LHX6: variants seen among roughly 807,000 people sequenced by gnomAD.
LHX6 encodes LIM/homeobox protein Lhx6.
Under a neutral mutation model 47.1 loss-of-function variants are expected in LHX6, and 15 were observed. The ratio of observed to expected loss-of-function variants is 0.32; its 90% confidence interval spans 0.21 to 0.49. The LOEUF (loss-of-function observed/expected upper bound fraction) is 0.49. Ranked by LOEUF, LHX6 falls within the 20% of genes least tolerant of loss-of-function variation. The pLI is 0.99. For missense variants in LHX6, 404 were observed against 539.6 expected (o/e 0.75, Z 2.49); for synonymous variants, 242 against 233.5 (o/e 1.04, Z -0.33).
At chr9:122,228,425 T>C in intron 1 of LHX6, 57 of 1,468,714 alleles carry the variant, frequency 3.9e-5, no homozygotes, top group Non-Finnish European at 4.8e-5. Context: ...CCTGTGTCTT[T>C]ACTAAATCGC....
At chr9:122,215,666 T>C (rs1382201403) in intron 5 of LHX6, among the ~76,000 whole-genome samples, 1 of 152,186 alleles carries the variant, frequency 6.6e-6, no homozygotes, top group Non-Finnish European at 1.5e-5. Context: ...TGCAGATAAT[T>C]TCATTGCCCA....
chr9:122,223,777 A>G (rs1166445529), intron 4 of LHX6, among the ~76,000 whole-genome samples: 7 of 152,226 alleles, frequency 4.6e-5, no homozygotes, highest in Admixed American at 4.6e-4. Flanking sequence ...AGTAAAGCAC[A>G]GTATCCAAGG....
At position 122,217,138 on chromosome 9, in the gene LHX6, G is replaced by A. The variant is rs1274541486; in HGVS notation, c.612C>T (p.Val204=). Reference sequence around the variant, plus strand: ...GGATGCGGCAGAGCACCTTCTCCTCGACCAGGCCGAACTCCTCACCAGTGG... The same window carrying A: ...GGATGCGGCAGAGCACCTTCTCCTCAACCAGGCCGAACTCCTCACCAGTGG... ...QLSTGEEFGL[V]EEKVLCRIHY... is the part of the protein sequence containing the mutation. The change falls in exon 5 of 10, where the codon GTC becomes GTT. Residue 204 remains valine, a synonymous_variant. Coordinates refer to ENST00000394319, the MANE Select transcript of LHX6 (RefSeq NM_014368.5). This position sits in a 1 kb window ranked among gnomAD's most constrained non-coding sequence, Gnocchi z 4.9. The A allele has an allele frequency of 1.2e-6, 2 of 1,614,208 alleles. No homozygotes were observed. Among genetic ancestry groups the A allele is most frequent in the African/African-American group, 1.3e-5 (1 of 75,066 alleles).
rs80058247 is a variant in LHX6 at position 122,215,045 on chromosome 9, T to C, written c.683-662A>G. On this transcript the variant is annotated intron_variant, in intron 5 of 9. Coordinates refer to ENST00000394319, the MANE Select transcript of LHX6 (RefSeq NM_014368.5). Reference sequence around the variant, plus strand: ...TCCACTCATATTACTTTTACAGTCATACTAAAACACTAACCATATTCCCAT... The same window carrying C: ...TCCACTCATATTACTTTTACAGTCACACTAAAACACTAACCATATTCCCAT... 2.1e-3 allele frequency among the ~76,000 whole-genome samples: 326 copies of C among 152,376 alleles called. 2 individuals carry two copies. The highest frequency in any genetic ancestry group is 7.5e-3 in the African/African-American group (310 of 41,590).
rs1325772412 is a variant in LHX6, at chr9:122,204,013, C to T, written c.*747G>A. 6.6e-6 allele frequency: 1 copy of T among 152,268 alleles called. No individual in the cohort carries two copies. Among genetic ancestry groups the T allele is most frequent in the East Asian group, 1.9e-4 (1 of 5,186 alleles). The allele number at this position is 152,268 out of a possible 1,614,324, so 9.4% of individuals were successfully genotyped here. A position where few individuals can be genotyped will look rare whatever the true frequency, so the allele number is the denominator to read the frequency against. ...TCTCTCCCTGACCCCAGAGTTTTCT[C>T]TTTCCTCTCCTTAAAATGGCTAGTG... On this transcript the variant is annotated 3_prime_UTR_variant, in exon 10 of 10. Transcript: ENST00000394319.
chr9:122,215,577 G>A (rs992907429), intron 5 of LHX6, among the ~76,000 whole-genome samples: 5 of 152,044 alleles, frequency 3.3e-5, no homozygotes, highest in Non-Finnish European at 1.5e-5. Flanking sequence ...AGGAGCCTGT[G>A]GTCGCTGATG....
intron 9 of LHX6, among the ~76,000 whole-genome samples, chr9:122,205,050 CT>C (rs745707359): frequency 7.2e-5 from 11 of 152,336 alleles, no homozygotes; most frequent in Non-Finnish European, 1.3e-4. Context: ...CAGCAAAAGC[CT>C]TCTGGGCATT....
intron 4 of LHX6, chr9:122,221,758 T>C: frequency 1.0e-6 from 1 of 985,060 alleles, no homozygotes; most frequent in Non-Finnish European, 1.2e-6. Context: ...ACAGCGGGCG[T>C]GCCAACCAAA....
chr9:122,221,310 C>T, intron 4 of LHX6: 1 of 985,554 alleles, frequency 1.0e-6, no homozygotes, highest in Non-Finnish European at 1.2e-6. Flanking sequence ...CCCCAGCTCC[C>T]CTCTCGGCTC....
intron 5 of LHX6, among the ~76,000 whole-genome samples, chr9:122,215,537 A>G (rs1473707665): frequency 2.0e-5 from 3 of 152,210 alleles, no homozygotes. Context: ...GGTTGTAACT[A>G]CAGGTGGTCC....
intron 5 of LHX6, among the ~76,000 whole-genome samples, chr9:122,215,799 C>T (rs559545347): frequency 2.0e-5 from 3 of 152,170 alleles, no homozygotes; most frequent in Non-Finnish European, 4.4e-5. Context: ...CAGGAACACT[C>T]TTGCGGTCCC....
rs539712712 is a variant in LHX6 at position 122,224,486 on chromosome 9, T to TAC, written c.461+1888_461+1889dup. ...TACACACCATTAACCCCTGTCTGACTACACACACACACACACACAGCCGTC... is the reference window on the plus strand; with the variant it reads ...TACACACCATTAACCCCTGTCTGACTACACACACACACACACACACAGCCGTC... On this transcript the variant is annotated intron_variant, in intron 4 of 9. Transcript: ENST00000394319. Among the ~76,000 whole-genome samples the TAC allele has an allele frequency of 4.5e-3, 683 of 150,388 alleles. 6 individuals carry two copies. The highest frequency in any genetic ancestry group is 6.3e-3 in the East Asian group (32 of 5,118).
chr9:122,208,178 T>C (rs1250546089), intron 9 of LHX6, among the ~76,000 whole-genome samples: 1 of 152,118 alleles, frequency 6.6e-6, no homozygotes, highest in Admixed American at 6.5e-5. Context: ...CTCGCTTTCC[T>C]CCTCTCATCC....
chr9:122,215,624 C>A (rs1830567282), intron 5 of LHX6, among the ~76,000 whole-genome samples: 1 of 152,204 alleles, frequency 6.6e-6, no homozygotes, highest in African/African-American at 2.4e-5. Context: ...CCTGGGTTTC[C>A]ATCCCAGCTC....
In LHX6 at chr9:122,225,744, C is replaced by T. The variant is rs1415000008; in HGVS notation, c.461+632G>A. ...GGCTCAGAATGCGACACTCCAGTGACGCCGGGGAATGAGTTGAGATGGAGC... is the reference window on the plus strand; with the variant it reads ...GGCTCAGAATGCGACACTCCAGTGATGCCGGGGAATGAGTTGAGATGGAGC... On this transcript the variant is annotated intron_variant, in intron 4 of 9. Transcript: ENST00000394319. Among the ~76,000 whole-genome samples the T allele has an allele frequency of 5.3e-5, 8 of 152,354 alleles. No homozygotes were observed. In the East Asian group the frequency reaches 7.7e-4, roughly 15 times the overall value.
At position 122,228,856 on chromosome 9, in the gene LHX6, G is replaced by A; in HGVS notation, c.-116C>T. 1.6e-6 allele frequency: 1 copy of A among 633,048 alleles called. No homozygotes were observed. The highest frequency in any genetic ancestry group is 2.1e-6 in the Non-Finnish European group (1 of 465,552). The allele number at this position is 633,048 out of a possible 1,614,324, so 39.2% of individuals were successfully genotyped here. A position where few individuals can be genotyped will look rare whatever the true frequency, so the allele number is the denominator to read the frequency against. On this transcript the variant is annotated 5_prime_UTR_variant, in exon 1 of 10. Transcript: ENST00000394319. ...GGAGCAGGAGGAGAGCCGAGGCGCC[G>A]GCCCCGCCGCCCCGGGCCCGGCCTC... is the stretch of plus-strand genomic sequence containing the variant.
chr9:122,221,182 T>A (rs1246255695), intron 4 of LHX6: 1 of 985,044 alleles, frequency 1.0e-6, no homozygotes, highest in Non-Finnish European at 1.2e-6. Context: ...TTCTCTCTGC[T>A]CCTTCCCTTC....
intron 9 of LHX6, 23 bp from the exon 10 acceptor site, chr9:122,204,803 G>A (rs577512861): frequency 2.6e-5 from 40 of 1,557,516 alleles, no homozygotes; most frequent in Middle Eastern, 3.4e-4. Flanking sequence ...GGCATGGGAG[G>A]TGGCTGAGCT....
rs527330636 is a variant in LHX6, at chr9:122,222,941, C to T, written c.461+3435G>A. Among the ~76,000 whole-genome samples, 79 of 152,288 alleles carry T rather than the reference C, an allele frequency of 5.2e-4. No homozygotes were observed. The East Asian group carries it at 0.011, about 22-fold the overall frequency. ...TCCACATCCTACCAGACCCTTGACC[C>T]CGGGCTTCAGGAAACAGAAGCCTAG... On this transcript the variant is annotated intron_variant, in intron 4 of 9. Coordinates refer to ENST00000394319, the MANE Select transcript of LHX6 (RefSeq NM_014368.5).
Sources: allele counts gnomAD v4.1 joint callset (sites outside exome capture counted in the v4.1 genomes callset), GRCh38; gene constraint gnomAD v4.1.1; non-coding constraint Gnocchi (gnomAD v3.1); transcripts MANE v1.5; gene names NCBI Gene and HGNC (gene_info 2026-07-23, HGNC 2026-07-21).